Variants in PCSK5 observed in about 807,000 individuals in gnomAD.
PCSK5 encodes the protein proprotein convertase subtilisin/kexin type 5, also known as prohormone convertase 5.
PCSK5 carries 129 observed loss-of-function variants against 233.2 expected under a neutral mutation model. The ratio of observed to expected loss-of-function variants is 0.55; its 90% CI spans 0.48 to 0.64. PCSK5 has a LOEUF of 0.64. Ranked by LOEUF, PCSK5 falls within the 30% of genes least tolerant of loss-of-function variation. The pLI is 0.00. For missense variants in PCSK5, 2,076 were observed against 2,430.1 expected, an observed-to-expected ratio of 0.85 and a Z score of 3.06; for synonymous variants, 825 against 879.2, an observed-to-expected ratio of 0.94 and a Z score of 1.09.
chr9:76,297,855 T>A (rs117628941), intron 27 of PCSK5, among the ~76,000 whole-genome samples: 11 of 152,226 alleles, frequency 7.2e-5, no homozygotes, highest in Non-Finnish European at 1.5e-4. Context: ...GGCACGTCCA[T>A]GGCTGCTGTC....
At chr9:76,185,114 G>A (rs897988595) in intron 17 of PCSK5, among the ~76,000 whole-genome samples, 2 of 152,086 alleles carry the variant, frequency 1.3e-5, no homozygotes, top group Non-Finnish European at 1.5e-5. Flanking sequence ...TTAATCCCCC[G>A]ATTCATTCCT....
At chr9:76,326,313 G>A (rs2997538) in intron 32 of PCSK5, among the ~76,000 whole-genome samples, 6,570 of 152,126 alleles carry the variant, frequency 0.043, 164 homozygotes, top group South Asian at 0.074. Flanking sequence ...TTTAGCCTGG[G>A]AGGTCAATGT....
chr9:76,348,851 T>C (rs1299463190), intron 35 of PCSK5, among the ~76,000 whole-genome samples: 2 of 151,976 alleles, frequency 1.3e-5, no homozygotes, highest in Admixed American at 1.3e-4. Context: ...TTTACTTCTA[T>C]GAGTTCAATT....
chr9:75,997,722 G>A (rs927484434), intron 3 of PCSK5, among the ~76,000 whole-genome samples: 20 of 152,306 alleles, frequency 1.3e-4, no homozygotes, highest in African/African-American at 3.8e-4. Context: ...AGTCAAAAAT[G>A]CATTCACCAC....
intron 3 of PCSK5, among the ~76,000 whole-genome samples, chr9:76,007,796 T>TTG (rs59860078): frequency 0.21 from 27,190 of 128,004 alleles, 3,183 homozygotes; most frequent in East Asian, 0.45. Flanking sequence ...CCGGCTAATT[T>TTG]TGTGTGTGTG....
At position 76,027,029 on chromosome 9, in the gene PCSK5, C is replaced by G; in HGVS notation, c.624C>G (p.Asn208Lys). 6.2e-7 allele frequency: 1 copy of G among 1,607,372 alleles called. No individual in the cohort carries two copies. The highest frequency in any genetic ancestry group is 8.5e-7 in the Non-Finnish European group (1 of 1,175,970). The stretch of plus-strand genomic sequence containing the variant: ...CAATGCCTCGTTATGATGCAAGCAA[C>G]GAGAACAAGTAAGGCCCAAGTGAGG... ...LDPMPRYDAS[N>K]ENKHGTRCAG... Residue 208 changes from asparagine (N) to lysine (K), a missense_variant, in exon 5 of 38, where the codon AAC becomes AAG. Transcript: ENST00000674117.
intron 24 of PCSK5, among the ~76,000 whole-genome samples, chr9:76,252,297 A>T (rs78158247): frequency 0.026 from 3,970 of 152,130 alleles, 57 homozygotes; most frequent in Non-Finnish European, 0.03. Context: ...ATAATAATAA[A>T]AATAAGATAA....
chr9:76,328,220 C>T lies in PCSK5; in HGVS notation c.4551C>T (p.Pro1517=), dbSNP rs751469688. Residue 1517 remains proline, a synonymous_variant, in exon 33 of 38, where the codon CCC becomes CCT. Transcript: ENST00000674117. The stretch of plus-strand genomic sequence containing the variant: ...CGGAGGACCAGTGTCAAACATGCCC[C>T]ATGAACAGCCTTCTTCTCAGTGAGT... ...GPAEDQCQTC[P]MNSLLLNTTC... is the part of the protein sequence containing the mutation. 6.2e-7 allele frequency: 1 copy of T among 1,611,950 alleles called. No individual in the cohort carries two copies. Among genetic ancestry groups the T allele is most frequent in the Non-Finnish European group, 8.5e-7 (1 of 1,179,036 alleles).
chr9:76,003,577 T>C (rs987522086), intron 3 of PCSK5, among the ~76,000 whole-genome samples: 5 of 152,224 alleles, frequency 3.3e-5, no homozygotes, highest in African/African-American at 1.2e-4. Context: ...ACTCTGAAAT[T>C]AAGTTCCAGA....
intron 5 of PCSK5, among the ~76,000 whole-genome samples, chr9:76,049,613 T>G (rs1199108288): frequency 1.3e-5 from 2 of 152,194 alleles, no homozygotes; most frequent in African/African-American, 4.8e-5. Flanking sequence ...TCCACCCACC[T>G]TCTCACACCC....
Position 76,354,221 on chromosome 9 carries a change from T to C in PCSK5, c.5254+2T>C. 1 of 1,568,440 alleles carries C rather than the reference T, an allele frequency of 6.4e-7. No individual in the cohort carries two copies. The highest frequency in any genetic ancestry group is 8.6e-7 in the Non-Finnish European group (1 of 1,157,614). On this transcript the variant is annotated splice_donor_variant, in intron 37 of 37. Transcript: ENST00000674117. LOFTEE classifies it high-confidence loss of function. ...GCTGTGACTGCCAGGACACCACGGGTGAGGGAAGAGCAAGAGCAGCCTGCA... is the reference window on the plus strand; with the variant it reads ...GCTGTGACTGCCAGGACACCACGGGCGAGGGAAGAGCAAGAGCAGCCTGCA...
intron 2 of PCSK5, 92 bp from the exon 3 acceptor site, chr9:75,986,040 C>T (rs998684395): frequency 5.5e-5 from 42 of 758,572 alleles, no homozygotes; most frequent in Non-Finnish European, 3.5e-5. Flanking sequence ...CTTAAATAGC[C>T]TTGACTTACA....
chr9:76,171,283 A>T (rs1823320102), intron 13 of PCSK5, among the ~76,000 whole-genome samples: 2 of 152,190 alleles, frequency 1.3e-5, no homozygotes. Flanking sequence ...GGGTCATGGC[A>T]CATAGGTGAA....
intron 4 of PCSK5, among the ~76,000 whole-genome samples, chr9:76,025,627 TAAAG>T (rs1267214816): frequency 2.0e-5 from 3 of 152,158 alleles, no homozygotes; most frequent in African/African-American, 7.2e-5. Context: ...CCACCTAACA[TAAAG>T]AGAAAGAAAC....
At chr9:75,915,830 T>A (rs1014901512) in intron 1 of PCSK5, among the ~76,000 whole-genome samples, 6 of 152,248 alleles carry the variant, frequency 3.9e-5, no homozygotes, top group Non-Finnish European at 5.9e-5. Context: ...AACACTGTAT[T>A]GAGTTTATCT....
chr9:75,908,990 T>G (rs934136142), intron 1 of PCSK5, among the ~76,000 whole-genome samples: 1 of 143,078 alleles, frequency 7.0e-6, no homozygotes, highest in Non-Finnish European at 1.6e-5. Flanking sequence ...TATCTATCTA[T>G]CCGATTTTCT....
intron 5 of PCSK5, among the ~76,000 whole-genome samples, chr9:76,059,240 T>G (rs1829939367): frequency 6.6e-6 from 1 of 152,194 alleles, no homozygotes; most frequent in South Asian, 2.1e-4. Flanking sequence ...ATTTGTTTAT[T>G]TGTAGATTCT....
intron 32 of PCSK5, among the ~76,000 whole-genome samples, chr9:76,327,100 C>G (rs1333525711): frequency 7.7e-6 from 1 of 130,306 alleles, no homozygotes; most frequent in African/African-American, 2.8e-5. Flanking sequence ...AGGCCCATCT[C>G]TATTTTTTTT....
intron 3 of PCSK5, among the ~76,000 whole-genome samples, chr9:76,010,223 A>G (rs1239679866): frequency 6.6e-6 from 1 of 152,218 alleles, no homozygotes; most frequent in Non-Finnish European, 1.5e-5. Flanking sequence ...TGGTTCCGTA[A>G]TGATGTAATT....
Sources: gnomAD v4.1 joint callset for allele counts (sites outside exome capture counted in the v4.1 genomes callset) on GRCh38, gnomAD v4.1.1 for gene constraint, MANE v1.5 for transcripts, NCBI Gene and HGNC (gene_info 2026-07-23, HGNC 2026-07-21) for gene names.